AJAP1: variants seen among roughly 807,000 people sequenced by gnomAD.
AJAP1 encodes the protein adherens junctions associated protein 1.
Under a neutral mutation model 35.0 loss-of-function variants are expected in AJAP1, and 5 were observed. That is an observed-to-expected ratio of 0.14 (90% CI 0.07 to 0.30). AJAP1 has a LOEUF of 0.30. AJAP1 is among the 10% of genes least tolerant of loss of function. The probability of loss-of-function intolerance (pLI) is 1.00; values close to 1 mark genes in which losing one functional copy is unlikely to be tolerated. For missense variants in AJAP1, 586 were observed against 571.0 expected (o/e 1.03, Z -0.27); for synonymous variants, 284 against 249.3 (o/e 1.14, Z -1.31).
intron 1 of AJAP1, among the ~76,000 whole-genome samples, chr1:4,658,585 C>T (rs1002832231): frequency 5.3e-5 from 8 of 152,250 alleles, no homozygotes; most frequent in Non-Finnish European, 1.2e-4. Flanking sequence ...TGTGCTACTC[C>T]TCGGGGACAA....
chr1:4,756,032 G>T (rs967692416), intron 2 of AJAP1, among the ~76,000 whole-genome samples: 3 of 152,134 alleles, frequency 2.0e-5, no homozygotes, highest in Non-Finnish European at 4.4e-5. Flanking sequence ...TCTTTGCTAA[G>T]CATAGACTTA....
In AJAP1 at chr1:4,656,378, C is replaced by T. The variant is rs945274658; in HGVS notation, c.29+924C>T. ...CTCCTGCCGGGGCATTCACCGAGCTCGTGCATTTGGGTCCCGGGTTGGAAC... is the reference window on the plus strand; with the variant it reads ...CTCCTGCCGGGGCATTCACCGAGCTTGTGCATTTGGGTCCCGGGTTGGAAC... On this transcript the variant is annotated intron_variant, in intron 1 of 5. Coordinates refer to ENST00000378191, the MANE Select transcript of AJAP1 (RefSeq NM_018836.4). This position sits in a 1 kb window ranked among gnomAD's most constrained non-coding sequence, Gnocchi z 5.7. Among the ~76,000 whole-genome samples, 1 of 152,308 alleles carries T rather than the reference C, an allele frequency of 6.6e-6. No individual in the cohort carries two copies. The highest frequency in any genetic ancestry group is 2.1e-4 in the South Asian group (1 of 4,824).
In AJAP1 at chr1:4,772,313, C is replaced by A; in HGVS notation, c.951C>A (p.Ser317Arg). ...AAAGCGGGAACACTCGTCGGAACAG[C>A]CACCAGCGGAAGACCAACCAGCAGG... The part of the protein sequence containing the change: ...CAQSGNTRRN[S>R]HQRKTNQQEE... The change falls in exon 4 of 6, where the codon AGC becomes AGA. Residue 317 changes from serine to arginine, a missense_variant. Physicochemically the swap from Ser to Arg is moderately radical, Grantham distance 110 (BLOSUM62 -1). Transcript: ENST00000378191. 1.9e-6 allele frequency: 3 copies of A among 1,614,182 alleles called. No individual in the cohort carries two copies. Among genetic ancestry groups the A allele is most frequent in the Non-Finnish European group, 2.5e-6 (3 of 1,180,028 alleles).
At chr1:4,747,377 A>C (rs534020430) in intron 2 of AJAP1, among the ~76,000 whole-genome samples, 2 of 152,006 alleles carry the variant, frequency 1.3e-5, no homozygotes, top group Non-Finnish European at 2.9e-5. Context: ...GGGGGCCCTC[A>C]TGTAGCTTCT....
chr1:4,728,031 G>C (rs897837959), intron 2 of AJAP1, among the ~76,000 whole-genome samples: 6 of 152,194 alleles, frequency 3.9e-5, no homozygotes, highest in Non-Finnish European at 8.8e-5. Context: ...TTGAGCAGAG[G>C]ACCTAACAAA....
intron 1 of AJAP1, among the ~76,000 whole-genome samples, chr1:4,694,348 A>G (rs953864853): frequency 1.3e-5 from 2 of 152,208 alleles, no homozygotes; most frequent in African/African-American, 2.4e-5. Context: ...CTGCACAGCA[A>G]GTATTATTTT....
intron 2 of AJAP1, among the ~76,000 whole-genome samples, chr1:4,732,796 GT>G (rs1388086844): frequency 6.6e-6 from 1 of 152,252 alleles, no homozygotes; most frequent in Non-Finnish European, 1.5e-5. Flanking sequence ...GCCTCAGTCA[GT>G]TCTCCAGACC....
At chr1:4,661,522 G>A (rs549812070) in intron 1 of AJAP1, among the ~76,000 whole-genome samples, 28 of 152,322 alleles carry the variant, frequency 1.8e-4, no homozygotes, top group East Asian at 1.9e-4. Flanking sequence ...TTGAACCCAG[G>A]TTTCCAGGAC....
intron 2 of AJAP1, among the ~76,000 whole-genome samples, chr1:4,731,026 T>A (rs1640784816): frequency 6.6e-6 from 1 of 152,204 alleles, no homozygotes; most frequent in African/African-American, 2.4e-5. Flanking sequence ...ACATTTGTTT[T>A]TTGTTTTGAT....
chr1:4,695,991 G>T (rs1437960567), intron 1 of AJAP1, among the ~76,000 whole-genome samples: 1 of 152,148 alleles, frequency 6.6e-6, no homozygotes, highest in Non-Finnish European at 1.5e-5. Context: ...GGCCATTTGT[G>T]TCTGGGGGGA....
intron 1 of AJAP1, among the ~76,000 whole-genome samples, chr1:4,700,671 C>T (rs766372165): frequency 2.0e-5 from 3 of 152,188 alleles, no homozygotes; most frequent in Non-Finnish European, 4.4e-5. Context: ...GTAGCTCGTG[C>T]TGGGGGCCCA....
intron 2 of AJAP1, among the ~76,000 whole-genome samples, chr1:4,766,216 C>CTT (rs35816653): frequency 6.6e-6 from 1 of 151,890 alleles, no homozygotes; most frequent in Non-Finnish European, 1.5e-5. Context: ...TCTGTGGCTG[C>CTT]TTTTTTTGCT....
At chr1:4,697,819 A>G (rs947062912) in intron 1 of AJAP1, among the ~76,000 whole-genome samples, 1 of 152,250 alleles carries the variant, frequency 6.6e-6, no homozygotes, top group Non-Finnish European at 1.5e-5. Context: ...GCCAAGATGC[A>G]GCGGCCACTA....
intron 1 of AJAP1, among the ~76,000 whole-genome samples, chr1:4,671,663 C>A (rs956849047): frequency 1.3e-5 from 2 of 152,136 alleles, no homozygotes; most frequent in East Asian, 3.9e-4. Flanking sequence ...ACTGCCATAT[C>A]CCCATTCATC....
intron 1 of AJAP1, among the ~76,000 whole-genome samples, chr1:4,710,084 ACACT>A (rs768088247): frequency 6.6e-5 from 10 of 151,944 alleles, no homozygotes; most frequent in South Asian, 2.1e-4. Context: ...TCTCACACAG[ACACT>A]CACAGATACA....
Position 4,783,509 on chromosome 1 carries a change from ATGTT to A in AJAP1, c.*1028_*1031del, listed in dbSNP as rs1303188382. 5.7e-5 allele frequency: 7 copies of A among 121,860 alleles called. No individual in the cohort carries two copies. Among genetic ancestry groups the A allele is most frequent in the Non-Finnish European group, 1.0e-4 (6 of 59,620 alleles). The allele number at this position is 121,860 out of a possible 1,614,324, so 7.5% of individuals were successfully genotyped here. On this transcript the variant is annotated 3_prime_UTR_variant, in exon 6 of 6. Transcript: ENST00000378191. ...TATATATATATATATATATATATATATGTTTGTGTGTGTATATATATATATATAT... is the reference window on the plus strand; with the variant it reads ...TATATATATATATATATATATATATATGTGTGTGTATATATATATATATAT...
chr1:4,757,964 G>A (rs1641471125), intron 2 of AJAP1, among the ~76,000 whole-genome samples: 1 of 151,994 alleles, frequency 6.6e-6, no homozygotes, highest in Non-Finnish European at 1.5e-5. Context: ...TCATGGAAGT[G>A]ATCACCCTCA....
At chr1:4,774,593 TC>T (rs1641906335) in intron 5 of AJAP1, 35 bp downstream of exon 5, 2 of 1,231,794 alleles carry the variant, frequency 1.6e-6, no homozygotes, top group Non-Finnish European at 2.4e-6. Flanking sequence ...CTGTTTTCGT[TC>T]CCTTTCCTCC....
intron 2 of AJAP1, among the ~76,000 whole-genome samples, chr1:4,739,068 T>C (rs1297937602): frequency 2.0e-5 from 3 of 152,116 alleles, no homozygotes; most frequent in Admixed American, 2.0e-4. Flanking sequence ...GCATTTTCCA[T>C]GGGCACCGGA....
Sources: allele counts gnomAD v4.1 joint callset (sites outside exome capture counted in the v4.1 genomes callset), GRCh38; gene constraint gnomAD v4.1.1; non-coding constraint Gnocchi (gnomAD v3.1); transcripts MANE v1.5; gene names NCBI Gene and HGNC (gene_info 2026-07-23, HGNC 2026-07-21).